ZBTB38: variants seen among roughly 807,000 people sequenced by gnomAD.
ZBTB38 encodes the protein zinc finger and BTB domain-containing protein 38.
ZBTB38 carries 20 observed loss-of-function variants against 76.8 expected under a neutral mutation model. That is an observed-to-expected ratio of 0.26 (90% CI 0.18 to 0.38). ZBTB38 has a LOEUF of 0.38. Among genes scored for constraint, ZBTB38 ranks in the 10% least tolerant of loss-of-function variants. ZBTB38 has a pLI of 1.00. For synonymous variants in ZBTB38, 504 were observed against 544.2 expected (o/e 0.93, Z 1.03); for missense variants, 1,082 against 1,482.3 (o/e 0.73, Z 4.43).
intron 5 of ZBTB38, among the ~76,000 whole-genome samples, chr3:141,406,578 C>G (rs879932144): frequency 2.0e-4 from 30 of 151,990 alleles, no homozygotes; most frequent in Non-Finnish European, 3.8e-4. Context: ...TTGCGCTCCA[C>G]AAGAAGGCCA....
At chr3:141,381,609 C>G (rs543784030) in intron 3 of ZBTB38, 122 bp downstream of exon 3, 13 of 152,208 alleles carry the variant, frequency 8.5e-5, no homozygotes, top group Admixed American at 2.0e-4. Context: ...TTCACCCAAC[C>G]CTTCATTCTA....
intron 4 of ZBTB38, among the ~76,000 whole-genome samples, chr3:141,399,376 G>A (rs1378774265): frequency 6.6e-6 from 1 of 152,122 alleles, no homozygotes; most frequent in African/African-American, 2.4e-5. Flanking sequence ...CCACGGGCAT[G>A]GGAAGTTGAC....
At chr3:141,394,725 T>C (rs116693577) in intron 4 of ZBTB38, among the ~76,000 whole-genome samples, 254 of 152,270 alleles carry the variant, frequency 1.7e-3, no homozygotes, top group African/African-American at 5.8e-3. Flanking sequence ...TCGCTTGGTC[T>C]CCAGGAGAAC....
At chr3:141,334,784 C>T (rs1942969944) in intron 1 of ZBTB38, among the ~76,000 whole-genome samples, 1 of 152,194 alleles carries the variant, frequency 6.6e-6, no homozygotes, top group African/African-American at 2.4e-5. Flanking sequence ...TCTAACCCTG[C>T]TGTGCCCAGT....
At chr3:141,368,122 C>G (rs1008193467), upstream of ZBTB38, among the ~76,000 whole-genome samples, 9 of 152,214 alleles carry the variant, frequency 5.9e-5, no homozygotes, top group African/African-American at 2.2e-4. Context: ...GGGCACCACA[C>G]AGAAGAAGGG....
At chr3:141,380,284 G>A (rs1576810933) in intron 2 of ZBTB38, among the ~76,000 whole-genome samples, 1 of 152,150 alleles carries the variant, frequency 6.6e-6, no homozygotes, top group East Asian at 1.9e-4. Flanking sequence ...GGTATTCTTT[G>A]GGGGCTGTGG....
intron 4 of ZBTB38, chr3:141,402,690 G>T (rs1255922242): frequency 6.6e-6 from 1 of 151,966 alleles, no homozygotes; most frequent in South Asian, 2.1e-4. Flanking sequence ...CCGGAGCGGG[G>T]CGGGGCGGGG....
In ZBTB38 at chr3:141,340,680, G is replaced by A. The variant is rs182037484; in HGVS notation, c.-739+16224G>A. Among the ~76,000 whole-genome samples the A allele has an allele frequency of 3.4e-4, 51 of 151,834 alleles. No individual in the cohort carries two copies. The East Asian group carries it at 7.6e-3, about 23-fold the overall frequency. On this transcript the variant is annotated intron_variant, in intron 1 of 7. Transcript: ENST00000509842. The stretch of plus-strand genomic sequence containing the variant: ...TGGGAGGCCGAGGCAGGCGGATCAC[G>A]AGGTCAGCAGATCAAGACCATCCTG...
intron 4 of ZBTB38, among the ~76,000 whole-genome samples, chr3:141,397,957 A>C (rs547157830): frequency 8.5e-5 from 13 of 152,384 alleles, no homozygotes; most frequent in South Asian, 4.1e-4. Context: ...AAATGGCACC[A>C]GTCAGACTTG....
In ZBTB38 at chr3:141,397,911, G is replaced by A. The variant is rs528982173; in HGVS notation, c.-105-6016G>A. Among the ~76,000 whole-genome samples, 3 of 152,266 alleles carry A rather than the reference G, an allele frequency of 2.0e-5. No homozygotes were observed. In the East Asian group the frequency reaches 5.8e-4, roughly 29 times the overall value. On this transcript the variant is annotated intron_variant, in intron 4 of 5. Coordinates refer to ENST00000321464, the MANE Select transcript of ZBTB38 (RefSeq NM_001376113.1). ...AATATTGTGAGAATTACTAAAATGTGACACTGAGACACAAAGTGAGCACAT... is the reference window on the plus strand; with the variant it reads ...AATATTGTGAGAATTACTAAAATGTAACACTGAGACACAAAGTGAGCACAT...
intron 5 of ZBTB38, among the ~76,000 whole-genome samples, chr3:141,435,537 A>G (rs1269412304): frequency 1.3e-5 from 2 of 151,956 alleles, no homozygotes; most frequent in Admixed American, 1.3e-4. Context: ...GGTGGTGGGC[A>G]GATTACAAGG....
chr3:141,380,818 G>C (rs1164938914), intron 2 of ZBTB38, among the ~76,000 whole-genome samples: 1 of 152,184 alleles, frequency 6.6e-6, no homozygotes, highest in East Asian at 1.9e-4. Context: ...GCAATGTCAT[G>C]TATCTGAGAG....
At chr3:141,350,204 T>C (rs774819967) in intron 1 of ZBTB38, among the ~76,000 whole-genome samples, 3 of 152,192 alleles carry the variant, frequency 2.0e-5, no homozygotes, top group Non-Finnish European at 4.4e-5. Context: ...TAAGAAAAGA[T>C]CCTCTATGAC....
intron 1 of ZBTB38, among the ~76,000 whole-genome samples, chr3:141,343,938 T>C (rs1329671589): frequency 6.6e-6 from 1 of 152,208 alleles, no homozygotes; most frequent in Non-Finnish European, 1.5e-5. Flanking sequence ...CAAGGGCCTC[T>C]AACAGTAGAA....
At chr3:141,393,900 T>C (rs1393691200) in intron 4 of ZBTB38, among the ~76,000 whole-genome samples, 2 of 152,250 alleles carry the variant, frequency 1.3e-5, no homozygotes, top group Admixed American at 6.5e-5. Context: ...TGCTACTTAA[T>C]GGCCCCACGT....
intron 5 of ZBTB38, among the ~76,000 whole-genome samples, chr3:141,419,963 G>A (rs1444070299): frequency 2.6e-5 from 4 of 152,158 alleles, no homozygotes; most frequent in African/African-American, 9.7e-5. Flanking sequence ...CTCCAGCATG[G>A]GCGACAAGAG....
intron 5 of ZBTB38, among the ~76,000 whole-genome samples, chr3:141,440,240 T>G (rs2079813838): frequency 6.6e-6 from 1 of 152,208 alleles, no homozygotes. Flanking sequence ...TCTGAGCTTC[T>G]TTGTCTTGAG....
At chr3:141,342,064 C>T (rs557665887) in intron 1 of ZBTB38, among the ~76,000 whole-genome samples, 32 of 152,258 alleles carry the variant, frequency 2.1e-4, no homozygotes, top group African/African-American at 6.3e-4. Flanking sequence ...CGGTGGCTCA[C>T]GCCTGTAATC....
At chr3:141,404,703 C>G (rs1953734405) in intron 5 of ZBTB38, among the ~76,000 whole-genome samples, 1 of 152,178 alleles carries the variant, frequency 6.6e-6, no homozygotes, top group Non-Finnish European at 1.5e-5. Context: ...CACGATAGCC[C>G]TATGAGGTGA....
Sources: gnomAD v4.1 joint callset for allele counts (sites outside exome capture counted in the v4.1 genomes callset) on GRCh38, gnomAD v4.1.1 for gene constraint, MANE v1.5 for transcripts, NCBI Gene and HGNC (gene_info 2026-07-23, HGNC 2026-07-21) for gene names.